SLC39A14: variants seen among roughly 807,000 people sequenced by gnomAD.
SLC39A14 encodes the protein metal cation symporter ZIP14.
Under a neutral mutation model 45.5 loss-of-function variants are expected in SLC39A14, and 19 were observed. That is an observed-to-expected ratio of 0.42 (90% CI 0.29 to 0.61). The LOEUF (loss-of-function observed/expected upper bound fraction) is 0.61. Among genes scored for constraint, SLC39A14 ranks in the 20% least tolerant of loss-of-function variants. SLC39A14 has a pLI of 0.22. For missense variants in SLC39A14, 447 were observed against 616.5 expected (o/e 0.73, Z 2.91); for synonymous variants, 264 against 251.3 (o/e 1.05, Z -0.48).
chr8:22,410,655 A>C (rs1835517659), intron 3 of SLC39A14, among the ~76,000 whole-genome samples: 1 of 152,192 alleles, frequency 6.6e-6, no homozygotes, highest in Non-Finnish European at 1.5e-5. Flanking sequence ...ACCAAACAAA[A>C]TTAAAATGAC....
At chr8:22,383,094 G>C (rs1040399885) in intron 1 of SLC39A14, among the ~76,000 whole-genome samples, 1 of 152,138 alleles carries the variant, frequency 6.6e-6, no homozygotes, top group Non-Finnish European at 1.5e-5. Context: ...GGAAAGCTGG[G>C]TGTGGTATGG....
downstream of SLC39A14, among the ~76,000 whole-genome samples, chr8:22,426,980 C>G (rs1471958108): frequency 6.6e-6 from 1 of 151,644 alleles, no homozygotes; most frequent in Non-Finnish European, 1.5e-5. Flanking sequence ...CCACCACGAT[C>G]AATGTGCTCT....
At chr8:22,430,205 A>T (rs1297297986) in intron 8 of SLC39A14, among the ~76,000 whole-genome samples, 1 of 135,162 alleles carries the variant, frequency 7.4e-6, no homozygotes, top group Non-Finnish European at 1.6e-5. Context: ...GACTCAAGAG[A>T]TCCTCCCACC....
chr8:22,402,868 T>A (rs1177185207), intron 1 of SLC39A14, among the ~76,000 whole-genome samples: 1 of 152,248 alleles, frequency 6.6e-6, no homozygotes, highest in Non-Finnish European at 1.5e-5. Context: ...GGCTGTTTTT[T>A]ATGTTTGTTT....
chr8:22,409,516 G>A (rs1037358825), intron 3 of SLC39A14, among the ~76,000 whole-genome samples: 1 of 152,126 alleles, frequency 6.6e-6, no homozygotes. Flanking sequence ...CTGAGTAGCT[G>A]GGATTTCAGG....
At chr8:22,382,924 G>T (rs1483702513) in intron 1 of SLC39A14, among the ~76,000 whole-genome samples, 1 of 151,520 alleles carries the variant, frequency 6.6e-6, no homozygotes, top group Non-Finnish European at 1.5e-5. Context: ...CACTATGTTG[G>T]CCAGGTTAGT....
chr8:22,384,923 G>A (rs1426255396), intron 1 of SLC39A14, among the ~76,000 whole-genome samples: 5 of 150,730 alleles, frequency 3.3e-5, no homozygotes, highest in Admixed American at 6.6e-5. Flanking sequence ...GGTAGCAGGC[G>A]CCTGTAGTCC....
At chr8:22,422,985 G>A (rs1390080015), downstream of SLC39A14, among the ~76,000 whole-genome samples, 8 of 150,610 alleles carry the variant, frequency 5.3e-5, no homozygotes, top group African/African-American at 2.0e-4. Context: ...CACCACGCCT[G>A]GCTAAATTTT....
chr8:22,379,172 C>T (rs1833366652), intron 1 of SLC39A14, among the ~76,000 whole-genome samples: 1 of 152,326 alleles, frequency 6.6e-6, no homozygotes, highest in East Asian at 1.9e-4. Flanking sequence ...ATCTCCCTCT[C>T]CTTTCTCTTA....
At chr8:22,411,886 T>G in intron 3 of SLC39A14, 151 bp from the exon 4 acceptor site, 1 of 634,654 alleles carries the variant, frequency 1.6e-6, no homozygotes, top group South Asian at 2.2e-5. Context: ...CTCTGATTTT[T>G]CTTTTTTGTT....
In SLC39A14 at chr8:22,389,002, C is replaced by T. The variant is rs531623329; in HGVS notation, c.-15-15694C>T. Among the ~76,000 whole-genome samples, 17 of 152,258 alleles carry T rather than the reference C, an allele frequency of 1.1e-4. No homozygotes were observed. In the East Asian group the frequency reaches 3.1e-3, roughly 28 times the overall value. On this transcript the variant is annotated intron_variant, in intron 1 of 8. Transcript: ENST00000381237. ...CTGCCTTTCTTGCTGGCGCCCTGGTCGTGCCCTCTTGAGCAGGGACGACGC... is the reference window on the plus strand; with the variant it reads ...CTGCCTTTCTTGCTGGCGCCCTGGTTGTGCCCTCTTGAGCAGGGACGACGC...
intron 1 of SLC39A14, among the ~76,000 whole-genome samples, chr8:22,402,949 T>G (rs920013772): frequency 1.9e-4 from 28 of 149,218 alleles, no homozygotes; most frequent in African/African-American, 6.8e-4. Flanking sequence ...GTCTGTAATT[T>G]TTCTCTTTTA....
chr8:22,393,917 C>T (rs1586682455), intron 1 of SLC39A14, among the ~76,000 whole-genome samples: 1 of 152,182 alleles, frequency 6.6e-6, no homozygotes, highest in East Asian at 1.9e-4. Flanking sequence ...AAGCAATCTA[C>T]CTGCCTTGGC....
At chr8:22,368,078 G>C (rs1217126808) in intron 1 of SLC39A14, among the ~76,000 whole-genome samples, 1 of 152,146 alleles carries the variant, frequency 6.6e-6, no homozygotes, top group East Asian at 1.9e-4. Context: ...CTCTGGACTA[G>C]GGGTTCACTT....
In SLC39A14 at chr8:22,388,850, C is replaced by T. The variant is rs983888143; in HGVS notation, c.-15-15846C>T. ...TGATTCACTTGTCTACCTTTCTAAC[C>T]CAATTTGGAAATATGGGCTTTTCCT... On this transcript the variant is annotated intron_variant, in intron 1 of 8. Transcript: ENST00000381237. Among the ~76,000 whole-genome samples the T allele has an allele frequency of 4.8e-5, 7 of 147,358 alleles. No homozygotes were observed. The South Asian group carries it at 6.5e-4, about 14-fold the overall frequency.
intron 8 of SLC39A14, among the ~76,000 whole-genome samples, chr8:22,430,156 A>G (rs1426042425): frequency 6.6e-6 from 1 of 152,178 alleles, no homozygotes; most frequent in Non-Finnish European, 1.5e-5. Context: ...TGTTTGTTTT[A>G]GAGATGGGGT....
At chr8:22,388,563 T>G (rs1586669067) in intron 1 of SLC39A14, among the ~76,000 whole-genome samples, 1 of 108,258 alleles carries the variant, frequency 9.2e-6, no homozygotes, top group Admixed American at 1.0e-4. Context: ...GGAGGGGCGG[T>G]GATGAAGTGG....
At chr8:22,397,142 G>T (rs1834534109) in intron 1 of SLC39A14, among the ~76,000 whole-genome samples, 1 of 152,074 alleles carries the variant, frequency 6.6e-6, no homozygotes. Flanking sequence ...GGGGTTCATT[G>T]TAATAATATG....
chr8:22,396,115 C>T (rs1834367768), intron 1 of SLC39A14, among the ~76,000 whole-genome samples: 1 of 151,870 alleles, frequency 6.6e-6, no homozygotes, highest in South Asian at 2.1e-4. Context: ...GCCTGTAATC[C>T]CAGCACTTTG....
Sources: gnomAD v4.1 joint callset for allele counts (sites outside exome capture counted in the v4.1 genomes callset) on GRCh38, gnomAD v4.1.1 for gene constraint, MANE v1.5 for transcripts, NCBI Gene and HGNC (gene_info 2026-07-23, HGNC 2026-07-21) for gene names.